The following RADX variants were observed in gnomAD, a reference collection of about 807,000 sequenced individuals.
The protein encoded by RADX is RPA1 related single stranded DNA binding protein, X-linked.
A neutral mutation model predicts 61.6 loss-of-function variants in RADX; 36 were observed. The observed-to-expected ratio is 0.58, with a 90% CI of 0.45 to 0.77. RADX has a LOEUF of 0.77. RADX is among the 30% of genes least tolerant of loss of function. The pLI is 0.00. For synonymous variants in RADX, 272 were observed against 237.9 expected (o/e 1.14, Z -1.32); for missense variants, 497 against 651.1 (o/e 0.76, Z 2.58).
intron 12 of RADX, among the ~76,000 whole-genome samples, chrX:106,664,243 T>A (rs895693177): frequency 1.8e-5 from 2 of 110,104 alleles, no homozygotes; most frequent in African/African-American, 6.6e-5. Context: ...TTGTTATTGT[T>A]TTTTTTCTGA....
At chrX:106,651,556 A>G (rs1343018596) in intron 11 of RADX, among the ~76,000 whole-genome samples, 3 of 111,590 alleles carry the variant, frequency 2.7e-5, no homozygotes, top group Non-Finnish European at 5.7e-5. Context: ...ATAAATAAAT[A>G]TATGCAGTAG....
At chrX:106,619,152 T>A (rs769055353) in intron 1 of RADX, among the ~76,000 whole-genome samples, 1 of 111,202 alleles carries the variant, frequency 9.0e-6, no homozygotes, top group Non-Finnish European at 1.9e-5. Context: ...TTTTAAAAAA[T>A]TTTATGGGTA....
At chrX:106,631,809 GAA>G (rs1376196478) in intron 3 of RADX, among the ~76,000 whole-genome samples, 2 of 104,290 alleles carry the variant, frequency 1.9e-5, no homozygotes, top group East Asian at 5.9e-4. Context: ...AAAGAAGAAA[GAA>G]AGAGAAAGAA....
chrX:106,640,334 A>T, intron 9 of RADX: 4 of 303,068 alleles, frequency 1.3e-5, no homozygotes, highest in Non-Finnish European at 2.3e-5. Context: ...CCAGCTTTTC[A>T]GATAGTAGTA....
intron 10 of RADX, among the ~76,000 whole-genome samples, chrX:106,643,244 G>T (rs1927567588): frequency 9.0e-6 from 1 of 111,066 alleles, no homozygotes; most frequent in African/African-American, 3.3e-5. Flanking sequence ...TTGTCAGATG[G>T]GTAGTTTGCA....
At chrX:106,631,811 AAG>A (rs753257937) in intron 3 of RADX, among the ~76,000 whole-genome samples, 6 of 108,869 alleles carry the variant, frequency 5.5e-5, no homozygotes, top group Non-Finnish European at 5.7e-5. Flanking sequence ...AGAAGAAAGA[AAG>A]AGAAAGAAAG....
intron 1 of RADX, among the ~76,000 whole-genome samples, chrX:106,615,757 C>T (rs1328394227): frequency 1.8e-5 from 2 of 109,518 alleles, no homozygotes; most frequent in Non-Finnish European, 3.8e-5. Flanking sequence ...CAATGACTGG[C>T]ACATAGTAGG....
In RADX at chrX:106,632,680, G is replaced by T. The variant is rs1160561707; in HGVS notation, c.1035G>T (p.Lys345Asn). 8.3e-7 allele frequency: 1 copy of T among 1,201,201 alleles called. No homozygotes were observed. The highest frequency in any genetic ancestry group is 1.8e-5 in the African/African-American group (1 of 56,847). ...CAAATATAATTATCATTCCAGAAAA[G>T]CAGGTGAAACCAGAATGGAGACTGC... ...PPTNIIIIPEKQVKPEWRLPK... is the reference protein window; with the variant it reads ...PPTNIIIIPENQVKPEWRLPK... Residue 345 changes from lysine (K) to asparagine (N), a missense_variant, in exon 4 of 14, where the codon AAG becomes AAT. By Grantham distance (94) the Lys-to-Asn change is moderately conservative. Around this residue, in one of 3 missense-constraint regions of RADX, gnomAD observed 196 missense variants for 315.0 expected, o/e 0.62. Transcript: ENST00000372548.
At chrX:106,655,377 A>G (rs1927912925) in intron 11 of RADX, among the ~76,000 whole-genome samples, 1 of 104,602 alleles carries the variant, frequency 9.6e-6, no homozygotes, top group African/African-American at 3.5e-5. Flanking sequence ...GTTCTAGGGT[A>G]CATGTGCACA....
intron 11 of RADX, among the ~76,000 whole-genome samples, chrX:106,657,048 C>A (rs948508282): frequency 8.9e-6 from 1 of 112,411 alleles, no homozygotes; most frequent in Non-Finnish European, 1.9e-5. Flanking sequence ...CAATACAAAG[C>A]TATTTTATCT....
chrX:106,661,940 T>G (rs1009208743), intron 11 of RADX, 75 bp from the exon 12 acceptor site: 64 of 868,583 alleles, frequency 7.4e-5, no homozygotes, highest in Admixed American at 4.1e-4. Flanking sequence ...TAATGTGTGG[T>G]TTTTTTTTGC....
intron 6 of RADX, among the ~76,000 whole-genome samples, chrX:106,633,775 G>A (rs1275957135): frequency 9.0e-6 from 1 of 111,341 alleles, no homozygotes; most frequent in Admixed American, 9.6e-5. Flanking sequence ...GGCTTACTTT[G>A]GCATTGACTT....
At chrX:106,639,135 G>A (rs993976660) in intron 8 of RADX, among the ~76,000 whole-genome samples, 3 of 111,348 alleles carry the variant, frequency 2.7e-5, no homozygotes, top group African/African-American at 9.8e-5. Context: ...TTTAAAATGC[G>A]GACCTATCAT....
chrX:106,672,216 G>A (rs1159357878), intron 13 of RADX, among the ~76,000 whole-genome samples: 1 of 111,700 alleles, frequency 9.0e-6, no homozygotes, highest in Non-Finnish European at 1.9e-5. Context: ...ACAATGTTGT[G>A]CAACCATCAC....
intron 11 of RADX, among the ~76,000 whole-genome samples, chrX:106,651,337 G>T (rs1280505482): frequency 9.0e-6 from 1 of 111,004 alleles, no homozygotes; most frequent in Non-Finnish European, 1.9e-5. Flanking sequence ...TTCCTAACCT[G>T]GAATTTTATG....
intron 12 of RADX, among the ~76,000 whole-genome samples, chrX:106,666,366 C>A (rs1305727160): frequency 8.9e-6 from 1 of 112,081 alleles, no homozygotes; most frequent in Non-Finnish European, 1.9e-5. Context: ...CTTTCCAAGT[C>A]TCTGAAGGCT....
At chrX:106,645,879 G>A (rs141835113) in intron 10 of RADX, among the ~76,000 whole-genome samples, 35 of 110,692 alleles carry the variant, frequency 3.2e-4, no homozygotes, top group African/African-American at 1.1e-3. Flanking sequence ...ATTGTATTGC[G>A]GCCTATCTGT....
At chrX:106,673,933 T>A (rs1337818240) in intron 13 of RADX, among the ~76,000 whole-genome samples, 2 of 111,198 alleles carry the variant, frequency 1.8e-5, no homozygotes, top group Non-Finnish European at 3.8e-5. Flanking sequence ...TGCTTTCTGC[T>A]GTAACAAGGG....
intron 2 of RADX, among the ~76,000 whole-genome samples, chrX:106,623,941 C>T (rs777661385): frequency 3.6e-5 from 4 of 110,961 alleles, no homozygotes; most frequent in Middle Eastern, 4.7e-3. Flanking sequence ...TTTTTAACTC[C>T]GCTTATTTGT....
Sources: allele counts gnomAD v4.1 joint callset (sites outside exome capture counted in the v4.1 genomes callset), GRCh38; gene constraint gnomAD v4.1.1; regional missense constraint gnomAD v4.1.1; transcripts MANE v1.5; gene names NCBI Gene and HGNC (gene_info 2026-07-23, HGNC 2026-07-21).